ARL1: variants seen among roughly 807,000 people sequenced by gnomAD.
The protein encoded by ARL1 is ARF like GTPase 1.
Under a neutral mutation model 30.1 loss-of-function variants are expected in ARL1, and 17 were observed. The observed-to-expected ratio is 0.56, with a 90% CI of 0.39 to 0.85. The LOEUF is 0.85. ARL1 is among the 40% of genes least tolerant of loss of function. The pLI, the probability that ARL1 is intolerant of heterozygous loss-of-function variation, is 0.00. For synonymous variants in ARL1, 58 were observed against 71.7 expected, an observed-to-expected ratio of 0.81 and a Z score of 0.97; for missense variants, 102 against 212.6, an observed-to-expected ratio of 0.48 and a Z score of 3.24.
chr12:101,403,018 A>T, intron 2 of ARL1, 72 bp from the exon 3 acceptor site: 1 of 906,748 alleles, frequency 1.1e-6, no homozygotes, highest in Non-Finnish European at 1.7e-6. Flanking sequence ...TATCTAATTG[A>T]GTTACAGCAA....
chr12:101,406,255 A>C (rs1053122666), intron 1 of ARL1, among the ~76,000 whole-genome samples: 3 of 152,092 alleles, frequency 2.0e-5, no homozygotes, highest in Non-Finnish European at 4.4e-5. Flanking sequence ...GGCCTTTGGG[A>C]ATCTCATTTT....
chr12:101,394,706 T>C lies in ARL1; in HGVS notation c.*934A>G, dbSNP rs1424417035. The C allele has an allele frequency of 1.3e-5, 2 of 152,204 alleles. No homozygotes were observed. Among genetic ancestry groups the C allele is most frequent in the East Asian group, 3.9e-4 (2 of 5,184 alleles). The allele number at this position is 152,204 out of a possible 1,614,324, so 9.4% of individuals were successfully genotyped here. ...AAATATAACCATTTAGGATTATTTATAGTATGTCACTGATCACTTCTACTA... is the reference window on the plus strand; with the variant it reads ...AAATATAACCATTTAGGATTATTTACAGTATGTCACTGATCACTTCTACTA... On this transcript the variant is annotated 3_prime_UTR_variant, in exon 6 of 6. Coordinates refer to ENST00000261636, the MANE Select transcript of ARL1 (RefSeq NM_001177.6).
In ARL1 at chr12:101,402,466, C is replaced by T. The variant is rs572389501; in HGVS notation, c.224+399G>A. Reference sequence around the variant, plus strand: ...CCTCCCAAAGTGCTGGGATTACAGGCGTGAGCTACCATGCCCGGCCAATGG... The same window carrying T: ...CCTCCCAAAGTGCTGGGATTACAGGTGTGAGCTACCATGCCCGGCCAATGG... On this transcript the variant is annotated intron_variant, in intron 3 of 5. Coordinates refer to ENST00000261636, the MANE Select transcript of ARL1 (RefSeq NM_001177.6). Among the ~76,000 whole-genome samples the T allele has an allele frequency of 1.5e-4, 23 of 152,278 alleles. No individual in the cohort carries two copies. The East Asian group carries it at 3.1e-3, about 20-fold the overall frequency.
intron 2 of ARL1, 152 bp downstream of exon 2, chr12:101,405,692 G>C (rs939491368): frequency 8.4e-6 from 6 of 717,974 alleles, no homozygotes; most frequent in East Asian, 6.6e-5. Flanking sequence ...AAGGCAGGAG[G>C]ATCACTTGAG....
intron 2 of ARL1, 141 bp from the exon 3 acceptor site, chr12:101,403,087 C>T (rs912611444): frequency 1.0e-5 from 5 of 485,446 alleles, no homozygotes; most frequent in Non-Finnish European, 1.8e-5. Context: ...TCTTAGGATT[C>T]GAGTTAAAAA....
chr12:101,394,523 C>T lies in ARL1; in HGVS notation c.*1117G>A, dbSNP rs1401668899. 6.6e-6 allele frequency: 1 copy of T among 152,166 alleles called. No individual in the cohort carries two copies. Among genetic ancestry groups the T allele is most frequent in the Non-Finnish European group, 1.5e-5 (1 of 68,038 alleles). The allele number at this position is 152,166 out of a possible 1,614,324, so 9.4% of individuals were successfully genotyped here. A position where few individuals can be genotyped will look rare whatever the true frequency, so the allele number is the denominator to read the frequency against. On this transcript the variant is annotated 3_prime_UTR_variant, in exon 6 of 6. Transcript: ENST00000261636. Reference sequence around the variant, plus strand: ...ACAGAATGCTTAATTTCTCCCTGTACAATCAGTAAGATTTTGATTTTTAAC... The same window carrying T: ...ACAGAATGCTTAATTTCTCCCTGTATAATCAGTAAGATTTTGATTTTTAAC...
At position 101,393,215 on chromosome 12, in the gene ARL1, GTAAA is replaced by G. The variant is rs1871056542; in HGVS notation, c.*2421_*2424del. 1 of 151,908 alleles carries G rather than the reference GTAAA, an allele frequency of 6.6e-6. No homozygotes were observed. The allele number at this position is 151,908 out of a possible 1,614,324, so 9.4% of individuals were successfully genotyped here. A position where few individuals can be genotyped will look rare whatever the true frequency, so the allele number is the denominator to read the frequency against. On this transcript the variant is annotated 3_prime_UTR_variant, in exon 6 of 6. Transcript: ENST00000261636. Reference sequence around the variant, plus strand: ...ACACTAGATGCAACGGATACTAACAGTAAATAAGATACGGTCCCTGCCCTCAGAG... The same window carrying G: ...ACACTAGATGCAACGGATACTAACAGTAAGATACGGTCCCTGCCCTCAGAG...
intron 1 of ARL1, 137 bp from the exon 2 acceptor site, chr12:101,406,118 C>T (rs1185030330): frequency 3.0e-6 from 2 of 666,628 alleles, no homozygotes; most frequent in Non-Finnish European, 4.8e-6. Context: ...GCATATTTTT[C>T]CTCCCAATGA....
At chr12:101,406,102 G>T in intron 1 of ARL1, 121 bp from the exon 2 acceptor site, 1 of 760,608 alleles carries the variant, frequency 1.3e-6, no homozygotes, top group Non-Finnish European at 2.0e-6. Context: ...TCCTGGATGC[G>T]TAGGTGCATA....
intron 4 of ARL1, among the ~76,000 whole-genome samples, chr12:101,399,324 C>T (rs1215273231): frequency 6.6e-6 from 1 of 151,836 alleles, no homozygotes; most frequent in Non-Finnish European, 1.5e-5. Context: ...CCAGCCTGGC[C>T]AACATGGTGA....
intron 4 of ARL1, among the ~76,000 whole-genome samples, chr12:101,398,663 C>T (rs978895997): frequency 6.6e-6 from 1 of 151,988 alleles, no homozygotes. Flanking sequence ...GTCTCAAACT[C>T]CTGACCTGAA....
intron 2 of ARL1, chr12:101,403,152 G>A (rs532688628): frequency 7.3e-5 from 34 of 466,972 alleles, no homozygotes; most frequent in Non-Finnish European, 1.2e-4. Flanking sequence ...CATTTAAGAC[G>A]AAATAGTATG....
chr12:101,396,661 G>A (rs940312563), intron 4 of ARL1, 84 bp from the exon 5 acceptor site: 45 of 1,067,030 alleles, frequency 4.2e-5, no homozygotes, highest in African/African-American at 2.6e-4. Context: ...CATTTTAAAC[G>A]TGTATTTTAT....
rs755206038 is a variant in ARL1, at chr12:101,396,626, C to A, written c.337-49G>T. 9 of 1,497,586 alleles carry A rather than the reference C, an allele frequency of 6.0e-6. No individual in the cohort carries two copies. In the South Asian group the frequency reaches 1.1e-4, roughly 18 times the overall value. 92.8% of individuals were successfully genotyped at this position (1,497,586 alleles called of 1,614,324 possible). A position where few individuals can be genotyped will look rare whatever the true frequency, so the allele number is the denominator to read the frequency against. On this transcript the variant is annotated intron_variant, in intron 4 of 5. Transcript: ENST00000261636. ...ATTTCTTTTAACTAATGTGCTCTCT[C>A]GAGTTTAGAAAATGTCCAAAAATAC...
chr12:101,399,700 T>TTTA (rs1432888811), intron 4 of ARL1, among the ~76,000 whole-genome samples: 1 of 152,102 alleles, frequency 6.6e-6, no homozygotes, highest in East Asian at 1.9e-4. Context: ...CAAGGGCAAT[T>TTTA]TTATTATTAT....
chr12:101,398,860 T>G (rs916402344), intron 4 of ARL1, among the ~76,000 whole-genome samples: 10 of 152,202 alleles, frequency 6.6e-5, no homozygotes, highest in African/African-American at 2.4e-4. Context: ...TTTACTTCTT[T>G]CTCTGTAAGA....
At chr12:101,397,643 G>A (rs569677102) in intron 4 of ARL1, among the ~76,000 whole-genome samples, 3 of 152,038 alleles carry the variant, frequency 2.0e-5, no homozygotes, top group Non-Finnish European at 2.9e-5. Context: ...GGGACTACAG[G>A]TGCCCGCTGC....
chr12:101,403,081 A>G, intron 2 of ARL1, 135 bp from the exon 3 acceptor site: 1 of 499,474 alleles, frequency 2.0e-6, no homozygotes. Flanking sequence ...AATTTGTCTT[A>G]GGATTCGAGT....
intron 3 of ARL1, among the ~76,000 whole-genome samples, chr12:101,402,335 C>G (rs545179041): frequency 1.3e-5 from 2 of 152,112 alleles, no homozygotes; most frequent in African/African-American, 4.8e-5. Context: ...ATTATAGGCA[C>G]GCACCACCAT....
Sources: gnomAD v4.1 joint callset for allele counts (sites outside exome capture counted in the v4.1 genomes callset) on GRCh38, gnomAD v4.1.1 for gene constraint, MANE v1.5 for transcripts, NCBI Gene and HGNC (gene_info 2026-07-23, HGNC 2026-07-21) for gene names.